The following KALRN variants were observed in gnomAD, a reference collection of about 807,000 sequenced individuals.
The protein encoded by KALRN is kalirin RhoGEF kinase.
Under a neutral mutation model 353.7 loss-of-function variants are expected in KALRN, and 70 were observed. That is an observed-to-expected ratio of 0.20 (90% CI 0.16 to 0.24). The LOEUF (loss-of-function observed/expected upper bound fraction) is 0.24, where lower values mean the gene tolerates loss of function less well. Ranked by LOEUF, KALRN falls within the 10% of genes least tolerant of loss-of-function variation. The pLI, the probability that KALRN is intolerant of heterozygous loss-of-function variation, is 1.00. For missense variants in KALRN, 2,791 were observed against 3,756.7 expected (o/e 0.74, Z 6.72); for synonymous variants, 1,391 against 1,434.8 (o/e 0.97, Z 0.69).
intron 33 of KALRN, among the ~76,000 whole-genome samples, chr3:124,520,155 C>A (rs1233801914): frequency 6.6e-6 from 1 of 151,972 alleles, no homozygotes; most frequent in Non-Finnish European, 1.5e-5. Context: ...AGGGCAGGAA[C>A]AGGAGTATAA....
intron 1 of KALRN, among the ~76,000 whole-genome samples, chr3:124,053,392 T>C (rs2041224460): frequency 6.6e-6 from 1 of 152,298 alleles, no homozygotes; most frequent in South Asian, 2.1e-4. Flanking sequence ...ATCTGCAGGA[T>C]TTAATGTCTA....
chr3:124,583,886 G>A (rs1288471523), intron 34 of KALRN, among the ~76,000 whole-genome samples: 1 of 152,138 alleles, frequency 6.6e-6, no homozygotes, highest in Non-Finnish European at 1.5e-5. Context: ...TCGGCTGTAT[G>A]TGGTGGCTCA....
At chr3:124,518,314 T>A in intron 33 of KALRN, 1 of 1,167,178 alleles carries the variant, frequency 8.6e-7, no homozygotes, top group Non-Finnish European at 1.3e-6. Flanking sequence ...ATGATTTAAC[T>A]CTGTTTTCTA....
chr3:124,128,580 C>T (rs1227815722), intron 1 of KALRN, among the ~76,000 whole-genome samples: 1 of 151,950 alleles, frequency 6.6e-6, no homozygotes, highest in Admixed American at 6.6e-5. Flanking sequence ...TACAGGGAAG[C>T]AGGAAAATGG....
At chr3:124,710,288 A>G (rs888789064) in intron 57 of KALRN, among the ~76,000 whole-genome samples, 2 of 152,190 alleles carry the variant, frequency 1.3e-5, no homozygotes, top group African/African-American at 2.4e-5. Context: ...TTATAATTCT[A>G]TTGGGAAGAC....
intron 19 of KALRN, among the ~76,000 whole-genome samples, chr3:124,445,652 G>T (rs570668581): frequency 1.1e-4 from 17 of 152,306 alleles, no homozygotes; most frequent in African/African-American, 3.8e-4. Flanking sequence ...AGTGCTGTGT[G>T]CACAACCTCT....
chr3:124,475,107 G>A (rs1476058185), intron 26 of KALRN, among the ~76,000 whole-genome samples: 5 of 152,166 alleles, frequency 3.3e-5, no homozygotes, highest in Non-Finnish European at 5.9e-5. Context: ...ATACATGGTA[G>A]GTGTATATAT....
intron 51 of KALRN, among the ~76,000 whole-genome samples, chr3:124,688,668 T>C (rs1024028864): frequency 4.6e-5 from 7 of 152,224 alleles, no homozygotes; most frequent in Admixed American, 2.6e-4. Context: ...TTTTGAGCTC[T>C]GTTTTGTGAC....
intron 33 of KALRN, among the ~76,000 whole-genome samples, chr3:124,517,451 G>A (rs1355911331): frequency 6.6e-6 from 1 of 152,210 alleles, no homozygotes; most frequent in Non-Finnish European, 1.5e-5. Flanking sequence ...CAGTCAATGT[G>A]AGACTGTGAG....
chr3:124,090,250 C>T (rs2061038346), intron 1 of KALRN, among the ~76,000 whole-genome samples: 1 of 152,038 alleles, frequency 6.6e-6, no homozygotes, highest in Admixed American at 6.5e-5. Flanking sequence ...TGGTTTAGAG[C>T]CCAGGGCAGT....
chr3:124,693,901 A>AATCC (rs1251060640), intron 52 of KALRN, 70 bp downstream of exon 52: 3 of 1,083,032 alleles, frequency 2.8e-6, no homozygotes, highest in Non-Finnish European at 4.1e-6. Context: ...TCCAGCACTA[A>AATCC]AGCACTGGCT....
intron 1 of KALRN, among the ~76,000 whole-genome samples, chr3:124,133,643 AGTCCCCTATCGTTCACAT>A (rs1273269853): frequency 1.3e-5 from 2 of 152,218 alleles, no homozygotes; most frequent in African/African-American, 4.8e-5. Context: ...GCTATTGCCA[AGTCCCCTATCGTTCACAT>A]GTTCCTGGAG....
At chr3:124,350,319 A>T (rs936434852) in intron 10 of KALRN, among the ~76,000 whole-genome samples, 14 of 152,198 alleles carry the variant, frequency 9.2e-5, no homozygotes, top group Admixed American at 6.5e-5. Context: ...CTAAAGAAAG[A>T]ATGGACACAT....
intron 1 of KALRN, among the ~76,000 whole-genome samples, chr3:124,119,935 C>A (rs2063808643): frequency 6.6e-6 from 1 of 152,106 alleles, no homozygotes; most frequent in African/African-American, 2.4e-5. Flanking sequence ...GTATGCTTTA[C>A]CAATGCTAAT....
At chr3:124,306,844 T>C (rs749681323) in intron 6 of KALRN, among the ~76,000 whole-genome samples, 111 of 152,256 alleles carry the variant, frequency 7.3e-4, no homozygotes, top group Non-Finnish European at 3.8e-4. Flanking sequence ...TAGGACAACA[T>C]ATTAAAAAGT....
At chr3:124,090,351 A>G (rs1367380949) in intron 1 of KALRN, among the ~76,000 whole-genome samples, 4 of 152,222 alleles carry the variant, frequency 2.6e-5, no homozygotes, top group Non-Finnish European at 5.9e-5. Flanking sequence ...GATGAAAGCT[A>G]CACAAAAGCT....
intron 3 of KALRN, among the ~76,000 whole-genome samples, chr3:124,248,972 T>C (rs2070735954): frequency 6.6e-6 from 1 of 152,250 alleles, no homozygotes; most frequent in Non-Finnish European, 1.5e-5. Context: ...TGTTTTCCTT[T>C]GCAGGAAATT....
chr3:124,091,772 A>T (rs1483059234), intron 1 of KALRN, among the ~76,000 whole-genome samples: 1 of 152,160 alleles, frequency 6.6e-6, no homozygotes, highest in Admixed American at 6.5e-5. Context: ...TTTGACCATG[A>T]TGAAAGAAGG....
At chr3:124,276,475 G>T (rs1174412386) in intron 5 of KALRN, among the ~76,000 whole-genome samples, 1 of 152,128 alleles carries the variant, frequency 6.6e-6, no homozygotes, top group Non-Finnish European at 1.5e-5. Context: ...CAGAACCAGT[G>T]GGGCTGTTGT....
Sources: allele counts gnomAD v4.1 joint callset (sites outside exome capture counted in the v4.1 genomes callset), GRCh38; gene constraint gnomAD v4.1.1; transcripts MANE v1.5; gene names NCBI Gene and HGNC (gene_info 2026-07-23, HGNC 2026-07-21).